Variants in ZNF827 observed in about 807,000 individuals in gnomAD.
ZNF827 encodes the protein zinc finger protein 827.
Under a neutral mutation model 102.4 loss-of-function variants are expected in ZNF827, and 13 were observed. That is an observed-to-expected ratio of 0.13 (90% CI 0.08 to 0.20). ZNF827 has a LOEUF of 0.20. Among genes scored for constraint, ZNF827 ranks in the 10% least tolerant of loss-of-function variants. The pLI is 1.00. For synonymous variants in ZNF827, 523 were observed against 536.2 expected (o/e 0.98, Z 0.34); for missense variants, 1,103 against 1,344.4 (o/e 0.82, Z 2.81).
At chr4:145,878,138 A>T (rs1749314816) in intron 4 of ZNF827, among the ~76,000 whole-genome samples, 1 of 152,168 alleles carries the variant, frequency 6.6e-6, no homozygotes, top group Non-Finnish European at 1.5e-5. Flanking sequence ...GATTTTTGTC[A>T]TTGTGGATCA....
intron 7 of ZNF827, among the ~76,000 whole-genome samples, chr4:145,828,154 G>A (rs139743124): frequency 5.9e-5 from 9 of 152,244 alleles, no homozygotes; most frequent in South Asian, 2.1e-4. Flanking sequence ...GACGTGCCCC[G>A]AAGCATGTTT....
chr4:145,833,932 C>T (rs1744540394), intron 7 of ZNF827, among the ~76,000 whole-genome samples: 1 of 151,784 alleles, frequency 6.6e-6, no homozygotes, highest in Non-Finnish European at 1.5e-5. Context: ...AAGGTAAGAA[C>T]CCCCGAACCC....
At chr4:145,846,093 C>T (rs1358619524) in intron 6 of ZNF827, 80 bp from the exon 7 acceptor site, 2 of 1,295,176 alleles carry the variant, frequency 1.5e-6, no homozygotes, top group Non-Finnish European at 2.2e-6. Flanking sequence ...AGCAGAAAAA[C>T]CCTCAACATC....
rs1735180433 is a variant in ZNF827 at position 145,765,702 on chromosome 4, G to C, written c.2897C>G (p.Pro966Arg). 6.2e-7 allele frequency: 1 copy of C among 1,613,998 alleles called. No individual in the cohort carries two copies. Among genetic ancestry groups the C allele is most frequent in the Non-Finnish European group, 8.5e-7 (1 of 1,179,962 alleles). ...DRKTPSESNS[P>R]SSSSLSALSD... The stretch of plus-strand genomic sequence containing the variant: ...CAGAGCTGAGAGGGAGGATGAAGAG[G>C]GGCTATTTGATTCGCTGGGGGTCTT... Residue 966 changes from proline to arginine, a missense_variant, in exon 12 of 15, where the codon CCC (proline) becomes CGC (arginine). Coordinates refer to ENST00000508784, the MANE Select transcript of ZNF827 (RefSeq NM_001306215.2). The surrounding 1 kb of genome is among the most constrained non-coding windows in gnomAD (Gnocchi z 4.7).
At chr4:145,870,959 C>T (rs1003352298) in intron 4 of ZNF827, among the ~76,000 whole-genome samples, 5 of 152,136 alleles carry the variant, frequency 3.3e-5, no homozygotes, top group Admixed American at 6.5e-5. Context: ...AACAGAAAAG[C>T]TCAGACTAGA....
chr4:145,789,897 A>G (rs1739433031), intron 8 of ZNF827, among the ~76,000 whole-genome samples: 2 of 152,182 alleles, frequency 1.3e-5, no homozygotes, highest in Non-Finnish European at 2.9e-5. Context: ...AGAATGGTGG[A>G]ATTTGGAGGC....
At chr4:145,784,791 G>T (rs936115762) in intron 8 of ZNF827, among the ~76,000 whole-genome samples, 2 of 152,006 alleles carry the variant, frequency 1.3e-5, no homozygotes, top group East Asian at 3.8e-4. Context: ...ATTTTACATA[G>T]CTTGAATGTA....
chr4:145,819,805 C>A lies in ZNF827; in HGVS notation c.2383+3617G>T, dbSNP rs576648603. Reference sequence around the variant, plus strand: ...TTAAAGATTCCTGATGCTACCTCTGCCTAAGACATTCGCAGCAAGTGAAAA... The same window carrying A: ...TTAAAGATTCCTGATGCTACCTCTGACTAAGACATTCGCAGCAAGTGAAAA... On this transcript the variant is annotated intron_variant, in intron 8 of 14. Transcript: ENST00000508784. The A allele has an allele frequency of 6.6e-5, 10 of 152,298 alleles. 1 individual carries two copies. The South Asian group carries it at 1.2e-3, about 19-fold the overall frequency. 9.4% of individuals were successfully genotyped at this position (152,298 alleles called of 1,614,324 possible). A position where few individuals can be genotyped will look rare whatever the true frequency, so the allele number is the denominator to read the frequency against.
chr4:145,843,251 T>G (rs981325096), intron 7 of ZNF827, among the ~76,000 whole-genome samples: 1 of 149,758 alleles, frequency 6.7e-6, no homozygotes, highest in African/African-American at 2.4e-5. Flanking sequence ...CACCGAGGAC[T>G]TTGTAGAACT....
intron 8 of ZNF827, among the ~76,000 whole-genome samples, chr4:145,813,075 A>G (rs1270673624): frequency 2.6e-5 from 4 of 152,118 alleles, no homozygotes; most frequent in Non-Finnish European, 5.9e-5. Flanking sequence ...CATTCCATTA[A>G]ACGCCCATTA....
chr4:145,869,613 A>C (rs1360210711), intron 5 of ZNF827, among the ~76,000 whole-genome samples: 1 of 152,202 alleles, frequency 6.6e-6, no homozygotes, highest in Non-Finnish European at 1.5e-5. Flanking sequence ...ATGACGTGGA[A>C]AAAAATCCAA....
In ZNF827 at chr4:145,902,911, G is replaced by T. The variant is rs1007041612; in HGVS notation, c.348C>A (p.Asn116Lys). The T allele has an allele frequency of 6.2e-7, 1 of 1,614,064 alleles. No individual in the cohort carries two copies. The highest frequency in any genetic ancestry group is 1.3e-5 in the African/African-American group (1 of 74,936). ...GCCTCAAATTGCTGCTCAGGGGCTT[G>T]TTGGAGCCTGGGTCATCGTCACACA... Reference protein sequence around the residue: ...SSLCDDDPGSNKPLSSNLRRL... With the variant: ...SSLCDDDPGSKKPLSSNLRRL... Residue 116 changes from asparagine (N) to lysine (K), a missense_variant, in exon 2 of 15, where the codon AAC becomes AAA. Asn to Lys is a moderately conservative substitution (Grantham distance 94). This residue lies in a region of ZNF827 where 441 missense variants were observed against 458.6 expected (regional missense o/e 0.96). Coordinates refer to ENST00000508784, the MANE Select transcript of ZNF827 (RefSeq NM_001306215.2). The surrounding 1 kb of genome is among the most constrained non-coding windows in gnomAD (Gnocchi z 4.3).
chr4:145,774,860 G>A (rs1269242919), intron 10 of ZNF827, among the ~76,000 whole-genome samples, 188 bp from the exon 11 acceptor site: 5 of 152,218 alleles, frequency 3.3e-5, no homozygotes, highest in Non-Finnish European at 7.3e-5. Context: ...TAGTCACTGT[G>A]CCAAAGAGAC....
chr4:145,840,320 A>G (rs943017431), intron 7 of ZNF827, among the ~76,000 whole-genome samples: 4 of 152,264 alleles, frequency 2.6e-5, no homozygotes, highest in Non-Finnish European at 5.9e-5. Context: ...CTAGAGGGGC[A>G]TGATTAACGT....
intron 1 of ZNF827, among the ~76,000 whole-genome samples, chr4:145,905,885 C>T (rs1026156935): frequency 4.6e-5 from 7 of 152,002 alleles, no homozygotes; most frequent in South Asian, 2.1e-4. Flanking sequence ...AGTGAAGTAA[C>T]GGGAAAATAT....
chr4:145,872,876 AAAAAACAAAAAC>A (rs1015341772), intron 4 of ZNF827, among the ~76,000 whole-genome samples: 2 of 151,864 alleles, frequency 1.3e-5, no homozygotes, highest in Non-Finnish European at 2.9e-5. Context: ...TTCTGTCTCA[AAAAAACAAAAAC>A]AAAAACAAAA....
intron 5 of ZNF827, among the ~76,000 whole-genome samples, chr4:145,857,934 C>T (rs1747311720): frequency 6.6e-6 from 1 of 152,024 alleles, no homozygotes; most frequent in Admixed American, 6.5e-5. Context: ...ATATACTTTT[C>T]CTGTCTCATA....
intron 2 of ZNF827, among the ~76,000 whole-genome samples, chr4:145,897,091 T>C (rs1222012872): frequency 2.0e-5 from 3 of 152,124 alleles, no homozygotes; most frequent in Non-Finnish European, 4.4e-5. Flanking sequence ...TAAACTGAGG[T>C]AGTATGCTGA....
At chr4:145,796,780 C>T (rs1740431648) in intron 8 of ZNF827, among the ~76,000 whole-genome samples, 1 of 152,126 alleles carries the variant, frequency 6.6e-6, no homozygotes, top group Admixed American at 6.5e-5. Flanking sequence ...CAGATGCCCG[C>T]TACCACGCCT....
Sources: gnomAD v4.1 joint callset for allele counts (sites outside exome capture counted in the v4.1 genomes callset) on GRCh38, gnomAD v4.1.1 for gene constraint, gnomAD v4.1.1 regional missense constraint, Gnocchi (gnomAD v3.1) non-coding constraint, MANE v1.5 for transcripts, NCBI Gene and HGNC (gene_info 2026-07-23, HGNC 2026-07-21) for gene names.